Variants in CTNNA3 observed in about 807,000 individuals in gnomAD.
CTNNA3 encodes catenin alpha 3, also known as catenin alpha-3.
A neutral mutation model predicts 95.7 loss-of-function variants in CTNNA3; 76 were observed. The ratio of observed to expected loss-of-function variants is 0.79; its 90% confidence interval spans 0.66 to 0.96. CTNNA3 has a LOEUF of 0.96. Among genes scored for constraint, CTNNA3 ranks in the 40% least tolerant of loss-of-function variants. CTNNA3 has a pLI of 0.00. For missense variants in CTNNA3, 1,191 were observed against 1,089.8 expected (o/e 1.09, Z -1.31); for synonymous variants, 431 against 374.4 (o/e 1.15, Z -1.74).
At chr10:66,090,869 A>G (rs1001686582) in intron 14 of CTNNA3, among the ~76,000 whole-genome samples, 2 of 152,030 alleles carry the variant, frequency 1.3e-5, no homozygotes, top group African/African-American at 4.8e-5. Flanking sequence ...TCTAAAAAAT[A>G]AATGTAAGTT....
At chr10:65,938,900 T>TTC (rs1554817863) in intron 17 of CTNNA3, among the ~76,000 whole-genome samples, 88 of 151,738 alleles carry the variant, frequency 5.8e-4, no homozygotes, top group African/African-American at 2.0e-3. Context: ...CTTTTTTTTT[T>TTC]TCTCTTTTTT....
At chr10:66,895,859 C>T (rs895844448) in intron 7 of CTNNA3, among the ~76,000 whole-genome samples, 12 of 147,478 alleles carry the variant, frequency 8.1e-5, no homozygotes, top group Non-Finnish European at 1.6e-4. Context: ...GGGAGGATAA[C>T]CTGAGGTCAG....
At chr10:66,202,271 G>A (rs141392549) in intron 13 of CTNNA3, among the ~76,000 whole-genome samples, 44 of 152,182 alleles carry the variant, frequency 2.9e-4, no homozygotes, top group Non-Finnish European at 5.3e-4. Flanking sequence ...TCAGTACACC[G>A]TGAACTAAAA....
At chr10:66,917,815 G>T (rs570912520) in intron 7 of CTNNA3, among the ~76,000 whole-genome samples, 1 of 152,090 alleles carries the variant, frequency 6.6e-6, no homozygotes, top group Admixed American at 6.5e-5. Context: ...CATGTGAAGT[G>T]GATATAGCAA....
intron 2 of CTNNA3, among the ~76,000 whole-genome samples, chr10:67,615,758 G>A (rs1266814390): frequency 1.3e-5 from 2 of 150,852 alleles, no homozygotes; most frequent in African/African-American, 2.4e-5. Flanking sequence ...TGCCTCCTGG[G>A]TTCAAGCGAT....
intron 7 of CTNNA3, among the ~76,000 whole-genome samples, chr10:67,029,710 T>C (rs1305971437): frequency 6.6e-6 from 1 of 152,214 alleles, no homozygotes; most frequent in Non-Finnish European, 1.5e-5. Flanking sequence ...AAACAAAAGA[T>C]ATTTTTACAA....
chr10:66,107,163 T>C (rs2081946365), intron 13 of CTNNA3, among the ~76,000 whole-genome samples: 1 of 152,196 alleles, frequency 6.6e-6, no homozygotes, highest in South Asian at 2.1e-4. Flanking sequence ...CAGACAAAGA[T>C]GAAGAGAGCC....
At chr10:66,052,544 T>C (rs2133541323) in intron 15 of CTNNA3, among the ~76,000 whole-genome samples, 1 of 152,290 alleles carries the variant, frequency 6.6e-6, no homozygotes, top group South Asian at 2.1e-4. Flanking sequence ...ATTAAAAGTG[T>C]CTTAAGCAAT....
intron 1 of CTNNA3, among the ~76,000 whole-genome samples, chr10:67,679,541 C>T (rs1055679301): frequency 6.6e-6 from 1 of 152,244 alleles, no homozygotes. Flanking sequence ...CAAATTCTAT[C>T]TTGGTCTCTA....
intron 7 of CTNNA3, among the ~76,000 whole-genome samples, chr10:66,806,754 A>ATGTGTG (rs1344673321): frequency 4.1e-5 from 3 of 73,412 alleles, no homozygotes; most frequent in African/African-American, 1.8e-4. Flanking sequence ...AATGTGGCAT[A>ATGTGTG]TATGTGTGTG....
At chr10:66,153,669 G>A (rs1475397598) in intron 13 of CTNNA3, among the ~76,000 whole-genome samples, 1 of 151,750 alleles carries the variant, frequency 6.6e-6, no homozygotes, top group Non-Finnish European at 1.5e-5. Flanking sequence ...GTTATCCCAG[G>A]CTCATTCCTG....
intron 7 of CTNNA3, among the ~76,000 whole-genome samples, chr10:66,972,862 C>T (rs1294432235): frequency 6.6e-6 from 1 of 151,994 alleles, no homozygotes; most frequent in Non-Finnish European, 1.5e-5. Flanking sequence ...AGGCGCCTGC[C>T]ACCACGCCTG....
intron 13 of CTNNA3, among the ~76,000 whole-genome samples, chr10:66,232,343 A>G (rs1004323302): frequency 6.6e-6 from 1 of 152,192 alleles, no homozygotes; most frequent in Non-Finnish European, 1.5e-5. Context: ...TAATCAACAG[A>G]GTCAATGCAA....
At chr10:65,967,157 C>T (rs887968016) in intron 16 of CTNNA3, among the ~76,000 whole-genome samples, 6 of 151,526 alleles carry the variant, frequency 4.0e-5, no homozygotes, top group Admixed American at 1.3e-4. Flanking sequence ...AGGGTTTCAC[C>T]GTGTTATCTA....
intron 15 of CTNNA3, among the ~76,000 whole-genome samples, chr10:66,007,892 G>A (rs1359354806): frequency 1.3e-5 from 2 of 148,606 alleles, no homozygotes; most frequent in East Asian, 2.0e-4. Flanking sequence ...GAAGGTGTGC[G>A]TGCTGTGCTG....
intron 7 of CTNNA3, among the ~76,000 whole-genome samples, chr10:66,933,030 C>T (rs2132648113): frequency 6.6e-6 from 1 of 152,284 alleles, no homozygotes; most frequent in East Asian, 1.9e-4. Context: ...ATTGACTGCT[C>T]ATGGTAATTG....
chr10:67,141,413 C>T (rs964102461), intron 7 of CTNNA3, among the ~76,000 whole-genome samples: 4 of 152,104 alleles, frequency 2.6e-5, no homozygotes, highest in Admixed American at 6.5e-5. Flanking sequence ...CAAAATAAAC[C>T]CGACGTCATT....
intron 7 of CTNNA3, among the ~76,000 whole-genome samples, chr10:67,175,493 A>G (rs1862198950): frequency 6.6e-6 from 1 of 152,184 alleles, no homozygotes; most frequent in Non-Finnish European, 1.5e-5. Flanking sequence ...AAGCCAGTCC[A>G]TTTGATTCTT....
intron 13 of CTNNA3, among the ~76,000 whole-genome samples, chr10:66,214,968 T>G (rs1397200102): frequency 6.6e-6 from 1 of 152,020 alleles, no homozygotes; most frequent in South Asian, 2.1e-4. Flanking sequence ...CTGAAAAAAC[T>G]TCCAAGGTTG....
Sources: allele counts gnomAD v4.1 joint callset (sites outside exome capture counted in the v4.1 genomes callset), GRCh38; gene constraint gnomAD v4.1.1; transcripts MANE v1.5; gene names NCBI Gene and HGNC (gene_info 2026-07-23, HGNC 2026-07-21).